PPFIA2: variants seen among roughly 807,000 people sequenced by gnomAD.
PPFIA2 encodes the protein liprin-alpha-2.
In PPFIA2, 46 loss-of-function variants were observed where a neutral mutation model predicts 175.5. That is an observed-to-expected ratio of 0.26 (90% CI 0.21 to 0.34). PPFIA2 has a LOEUF of 0.34. Ranked by LOEUF, PPFIA2 falls within the 10% of genes least tolerant of loss-of-function variation. The probability of loss-of-function intolerance (pLI) is 1.00; values close to 1 mark genes in which losing one functional copy is unlikely to be tolerated. For synonymous variants in PPFIA2, 568 were observed against 511.4 expected, an observed-to-expected ratio of 1.11 and a Z score of -1.49; for missense variants, 1,179 against 1,506.1, an observed-to-expected ratio of 0.78 and a Z score of 3.60.
At chr12:81,506,759 A>G (rs1483915648) in intron 4 of PPFIA2, among the ~76,000 whole-genome samples, 2 of 152,230 alleles carry the variant, frequency 1.3e-5, no homozygotes, top group African/African-American at 2.4e-5. Flanking sequence ...AGGGCCAGAT[A>G]GTAAATAATT....
chr12:81,392,723 TCAAA>T (rs1284582441), intron 8 of PPFIA2, among the ~76,000 whole-genome samples: 4 of 152,006 alleles, frequency 2.6e-5, no homozygotes, highest in Admixed American at 6.6e-5. Flanking sequence ...CACTTGGCTG[TCAAA>T]CAGACTTTCC....
In PPFIA2 at chr12:81,748,331, A is replaced by C. The variant is rs540514538; in HGVS notation, c.249+5642T>G. Among the ~76,000 whole-genome samples the C allele has an allele frequency of 1.4e-5, 2 of 144,344 alleles. 1 individual carries two copies. The highest frequency in any genetic ancestry group is 4.3e-4 in the East Asian group (2 of 4,690). 94.7% of individuals were successfully genotyped at this position (144,344 alleles called of 152,430 possible). On this transcript the variant is annotated intron_variant, in intron 3 of 32. Coordinates refer to ENST00000549396, the MANE Select transcript of PPFIA2 (RefSeq NM_003625.5). Reference sequence around the variant, plus strand: ...GTAGGTCAGTTGCAGTAATAATCCCAGTGTTTCATTTATCCTGTAGCCATA... The same window carrying C: ...GTAGGTCAGTTGCAGTAATAATCCCCGTGTTTCATTTATCCTGTAGCCATA...
intron 22 of PPFIA2, among the ~76,000 whole-genome samples, chr12:81,301,646 C>T (rs1039985031): frequency 2.6e-5 from 4 of 152,134 alleles, no homozygotes; most frequent in Non-Finnish European, 5.9e-5. Flanking sequence ...CGTACCCGCG[C>T]CATCTCTCTG....
At position 81,258,028 on chromosome 12, in the gene PPFIA2, T is replaced by C. The variant is rs1440090215; in HGVS notation, c.*1666A>G. 1 of 152,152 alleles carries C rather than the reference T, an allele frequency of 6.6e-6. No homozygotes were observed. The highest frequency in any genetic ancestry group is 1.5e-5 in the Non-Finnish European group (1 of 68,002). The allele number at this position is 152,152 out of a possible 1,614,324, so 9.4% of individuals were successfully genotyped here. On this transcript the variant is annotated 3_prime_UTR_variant, in exon 33 of 33. Transcript: ENST00000549396. ...GTTCCTATATTCTATTTCATTTCTA[T>C]GAATCAAGATGCCCATGTTTAGATG...
intron 8 of PPFIA2, among the ~76,000 whole-genome samples, chr12:81,393,621 A>G (rs777990419): frequency 1.3e-5 from 2 of 152,158 alleles, no homozygotes; most frequent in East Asian, 1.9e-4. Context: ...TCCCCTTTCA[A>G]TTGTGAAGTT....
chr12:81,758,439 TC>T lies in PPFIA2; in HGVS notation c.-43del. The T allele has an allele frequency of 2.2e-6, 1 of 456,558 alleles. No individual in the cohort carries two copies. The highest frequency in any genetic ancestry group is 4.4e-6 in the Non-Finnish European group (1 of 226,776). The allele number at this position is 456,558 out of a possible 1,614,324, so 28.3% of individuals were successfully genotyped here. ...TTCGGGTCCTTGCTTCTTCAATTGA[TC>T]AATGACAACCGCAGTCTCCGGCTTG... On this transcript the variant is annotated 5_prime_UTR_variant, in exon 2 of 33. Transcript: ENST00000549396.
chr12:81,642,756 A>ATGCATG lies in PPFIA2; in HGVS notation c.303+34034_303+34035insCATGCA, dbSNP rs2065364379. Among the ~76,000 whole-genome samples, 2 of 101,674 alleles carry ATGCATG rather than the reference A, an allele frequency of 2.0e-5. 1 individual carries two copies. Among genetic ancestry groups the ATGCATG allele is most frequent in the African/African-American group, 7.7e-5 (2 of 26,044 alleles). 66.7% of individuals were successfully genotyped at this position (101,674 alleles called of 152,430 possible). A position where few individuals can be genotyped will look rare whatever the true frequency, so the allele number is the denominator to read the frequency against. On this transcript the variant is annotated intron_variant, in intron 4 of 32. Transcript: ENST00000549396. ...GTATATGTATGTATGTATTATATAC[A>ATGCATG]TACATGTATATGTATGTATGTATTA...
intron 4 of PPFIA2, among the ~76,000 whole-genome samples, chr12:81,650,154 C>T (rs961798826): frequency 2.6e-5 from 4 of 151,812 alleles, no homozygotes; most frequent in South Asian, 2.1e-4. Context: ...GGACTACAGG[C>T]GCCCGCCACT....
chr12:81,668,657 C>T (rs1272570335), intron 4 of PPFIA2, among the ~76,000 whole-genome samples: 1 of 152,014 alleles, frequency 6.6e-6, no homozygotes, highest in Non-Finnish European at 1.5e-5. Context: ...GCTGACAGCT[C>T]TCTGCTAATG....
chr12:81,450,051 T>C (rs950425153), intron 5 of PPFIA2, among the ~76,000 whole-genome samples: 32 of 152,320 alleles, frequency 2.1e-4, no homozygotes, highest in African/African-American at 7.7e-4. Flanking sequence ...GATGGACATT[T>C]GGGTTAGTTC....
chr12:81,561,947 CT>C (rs1266812331), intron 4 of PPFIA2, among the ~76,000 whole-genome samples: 40 of 152,318 alleles, frequency 2.6e-4, no homozygotes, highest in African/African-American at 9.6e-4. Flanking sequence ...AAAATTCTAA[CT>C]AGACTTTCTT....
At chr12:81,306,699 C>T (rs2049316061) in intron 22 of PPFIA2, among the ~76,000 whole-genome samples, 1 of 151,630 alleles carries the variant, frequency 6.6e-6, no homozygotes, top group African/African-American at 2.4e-5. Context: ...TGCCACCATG[C>T]CTGGCTAAAT....
rs114643523 is a variant in PPFIA2, at chr12:81,617,849, G to T, written c.303+58942C>A. ...AAATAGACAAATATTCTTCTGTGTA[G>T]AGTTTCCACTGTAGTGGGGAGAAGT... On this transcript the variant is annotated intron_variant, in intron 4 of 32. Coordinates refer to ENST00000549396, the MANE Select transcript of PPFIA2 (RefSeq NM_003625.5). Among the ~76,000 whole-genome samples the T allele has an allele frequency of 4.7e-3, 713 of 152,306 alleles. 9 individuals are homozygous for T. Among genetic ancestry groups the T allele is most frequent in the African/African-American group, 0.016 (671 of 41,566 alleles).
intron 4 of PPFIA2, among the ~76,000 whole-genome samples, chr12:81,481,087 T>C (rs1012282284): frequency 3.3e-5 from 5 of 152,126 alleles, no homozygotes; most frequent in African/African-American, 9.7e-5. Context: ...AGCATTCCTA[T>C]ACACCAATAA....
At chr12:81,398,330 T>A (rs2041523599) in intron 8 of PPFIA2, among the ~76,000 whole-genome samples, 1 of 152,082 alleles carries the variant, frequency 6.6e-6, no homozygotes, top group Admixed American at 6.6e-5. Flanking sequence ...TTTTTGAAAT[T>A]TTTGTAAGCC....
intron 3 of PPFIA2, among the ~76,000 whole-genome samples, chr12:81,688,802 A>AATATATAT (rs3075480): frequency 0.098 from 13,830 of 140,510 alleles, 824 homozygotes; most frequent in East Asian, 0.13. Flanking sequence ...TGGTTTATTA[A>AATATATAT]ATATATATAT....
At chr12:81,756,555 C>T (rs1382546222) in intron 2 of PPFIA2, among the ~76,000 whole-genome samples, 1 of 152,038 alleles carries the variant, frequency 6.6e-6, no homozygotes. Flanking sequence ...ATTAAATCTA[C>T]ACTCAAAAGA....
chr12:81,660,059 T>C (rs2068531888), intron 4 of PPFIA2, among the ~76,000 whole-genome samples: 1 of 151,784 alleles, frequency 6.6e-6, no homozygotes, highest in Admixed American at 6.6e-5. Context: ...ATCACCATCA[T>C]CAAAGACCAA....
intron 4 of PPFIA2, among the ~76,000 whole-genome samples, chr12:81,482,271 C>T (rs1199172045): frequency 2.6e-5 from 4 of 152,208 alleles, no homozygotes; most frequent in East Asian, 3.9e-4. Context: ...GAAATAGGAA[C>T]GCTTTTACAC....
Sources: gnomAD v4.1 joint callset for allele counts (sites outside exome capture counted in the v4.1 genomes callset) on GRCh38, gnomAD v4.1.1 for gene constraint, MANE v1.5 for transcripts, NCBI Gene and HGNC (gene_info 2026-07-23, HGNC 2026-07-21) for gene names.